Variants in GSE1 observed in about 807,000 individuals in gnomAD.
GSE1 encodes genetic suppressor element 1.
In GSE1, 32 loss-of-function variants were observed where a neutral mutation model predicts 112.6. That is an observed-to-expected ratio of 0.28 (90% CI 0.21 to 0.38). GSE1 has a LOEUF of 0.38. Ranked by LOEUF, GSE1 falls within the 10% of genes least tolerant of loss-of-function variation. GSE1 has a pLI of 1.00. For missense variants in GSE1, 2,348 were observed against 1,699.2 expected, an observed-to-expected ratio of 1.38 and a Z score of -6.71; for synonymous variants, 1,115 against 735.6, an observed-to-expected ratio of 1.52 and a Z score of -8.35.
chr16:85,467,407 A>C (rs2050154787), intron 2 of GSE1, among the ~76,000 whole-genome samples: 1 of 152,120 alleles, frequency 6.6e-6, no homozygotes, highest in Non-Finnish European at 1.5e-5. Context: ...CAAGAACACA[A>C]ATTTTGTTTG....
chr16:85,211,517 C>T (rs1286249718), intron 1 of GSE1, among the ~76,000 whole-genome samples: 1 of 152,218 alleles, frequency 6.6e-6, no homozygotes, highest in Non-Finnish European at 1.5e-5. Flanking sequence ...AGCCTCGCTT[C>T]AGTCATCCAT....
At chr16:85,400,268 TGTGTG>T (rs2151668421) in intron 2 of GSE1, among the ~76,000 whole-genome samples, 1 of 151,338 alleles carries the variant, frequency 6.6e-6, no homozygotes, top group Non-Finnish European at 1.5e-5. Context: ...TGTGTGTGTG[TGTGTG>T]TGTGTGTGTA....
At position 85,217,151 on chromosome 16, in the gene GSE1, C is replaced by T. The variant is rs117870309; in HGVS notation, c.2283+45344C>T. Reference sequence around the variant, plus strand: ...TGGAGCGTGGGGGTGATGAGAGTAGCGACTTCACAGGTGTCTGGGCGGGTG... The same window carrying T: ...TGGAGCGTGGGGGTGATGAGAGTAGTGACTTCACAGGTGTCTGGGCGGGTG... On this transcript the variant is annotated intron_variant, in intron 1 of 2. Transcript: ENST00000637419. Among the ~76,000 whole-genome samples the T allele has an allele frequency of 3.9e-3, 591 of 152,340 alleles. 2 individuals carry two copies. The highest frequency in any genetic ancestry group is 6.7e-3 in the Non-Finnish European group (456 of 68,028).
intron 2 of GSE1, among the ~76,000 whole-genome samples, chr16:85,375,327 C>T (rs1344718054): frequency 1.3e-5 from 2 of 152,264 alleles, no homozygotes; most frequent in African/African-American, 4.8e-5. Context: ...CACCTCACCT[C>T]CCCCAGGTGA....
intron 2 of GSE1, among the ~76,000 whole-genome samples, chr16:85,404,150 C>T (rs111630338): frequency 0.053 from 3,435 of 64,732 alleles, 121 homozygotes; most frequent in African/African-American, 0.07. Context: ...TAATCCACAC[C>T]GTTACACTCA....
chr16:85,195,433 T>G (rs1268927500), intron 1 of GSE1, among the ~76,000 whole-genome samples: 1 of 152,160 alleles, frequency 6.6e-6, no homozygotes, highest in African/African-American at 2.4e-5. Context: ...GGAAGCAGCT[T>G]TGCAGCTTCC....
chr16:85,656,494 C>T lies in GSE1; in HGVS notation c.1141C>T (p.Arg381Cys), dbSNP rs991378017. The T allele has an allele frequency of 9.7e-6, 15 of 1,543,568 alleles. No individual in the cohort carries two copies. The highest frequency in any genetic ancestry group is 1.8e-4 in the Middle Eastern group (1 of 5,664). Reference protein sequence around the residue: ...QEKEREREKERERELERQREQ... With the variant: ...QEKEREREKECERELERQREQ... ...GAAGGAGCGTGAGCGTGAGAAGGAG[C>T]GCGAGCGCGAGCTGGAGCGCCAGCG... Residue 381 changes from arginine (R) to cysteine (C), a missense_variant, in exon 7 of 16, where the codon CGC (arginine) becomes TGC (cysteine). Transcript: ENST00000253458.
At chr16:85,671,168 A>G in intron 15 of GSE1, 70 bp downstream of exon 15, 1 of 898,914 alleles carries the variant, frequency 1.1e-6, no homozygotes, top group East Asian at 2.5e-5. Context: ...ACACCCATGC[A>G]GATAAGTTTC....
At chr16:85,251,600 C>T (rs1055579193) in intron 1 of GSE1, among the ~76,000 whole-genome samples, 11 of 152,232 alleles carry the variant, frequency 7.2e-5, no homozygotes, top group Non-Finnish European at 1.5e-4. Flanking sequence ...GGGCTGGGCC[C>T]GGGGCCTGCC....
intron 1 of GSE1, among the ~76,000 whole-genome samples, chr16:85,346,427 C>CGGGT (rs1193661488): frequency 2.6e-4 from 3 of 11,500 alleles, no homozygotes; most frequent in East Asian, 0.05. Flanking sequence ...GGGTGATGGA[C>CGGGT]AGGTGGATGG....
intron 1 of GSE1, among the ~76,000 whole-genome samples, chr16:85,343,229 G>A (rs1329874816): frequency 6.6e-6 from 1 of 152,194 alleles, no homozygotes; most frequent in Non-Finnish European, 1.5e-5. Flanking sequence ...AGAGGACCGC[G>A]CTGAACGGGA....
chr16:85,481,869 G>T (rs530547555), intron 2 of GSE1, among the ~76,000 whole-genome samples: 5 of 152,218 alleles, frequency 3.3e-5, no homozygotes, highest in African/African-American at 4.8e-5. Flanking sequence ...GTCACACGGC[G>T]CAGAGGTGGC....
intron 1 of GSE1, among the ~76,000 whole-genome samples, chr16:85,253,697 G>C (rs531417356): frequency 7.2e-5 from 11 of 152,374 alleles, no homozygotes; most frequent in African/African-American, 2.4e-4. Flanking sequence ...CCTGGAGGAA[G>C]AGTTAGCCAG....
rs1223684963 is a variant in GSE1, at chr16:85,672,751, A to G, written c.*212A>G. 5.1e-6 allele frequency: 2 copies of G among 394,892 alleles called. No homozygotes were observed. Among genetic ancestry groups the G allele is most frequent in the African/African-American group, 2.0e-5 (1 of 49,334 alleles). 24.5% of individuals were successfully genotyped at this position (394,892 alleles called of 1,614,324 possible). On this transcript the variant is annotated 3_prime_UTR_variant, in exon 16 of 16. Coordinates refer to ENST00000253458, the MANE Select transcript of GSE1 (RefSeq NM_014615.5). Reference sequence around the variant, plus strand: ...CACCGTTGTCATTCAGCGAGCAACCAATGTAGGATTGCCCACAGTTTTTCT... The same window carrying G: ...CACCGTTGTCATTCAGCGAGCAACCGATGTAGGATTGCCCACAGTTTTTCT...
chr16:85,415,064 C>T (rs916549574), intron 2 of GSE1, among the ~76,000 whole-genome samples: 3 of 152,232 alleles, frequency 2.0e-5, no homozygotes, highest in Non-Finnish European at 2.9e-5. Context: ...CTTGCCTCAG[C>T]CTCCTGACTA....
intron 1 of GSE1, among the ~76,000 whole-genome samples, chr16:85,601,212 C>T (rs373946780): frequency 3.4e-4 from 52 of 151,646 alleles, no homozygotes; most frequent in African/African-American, 1.3e-3. Context: ...GTCGTGAGGG[C>T]CAGGAGGGAG....
At chr16:85,337,765 C>G (rs1378619171) in intron 1 of GSE1, among the ~76,000 whole-genome samples, 2 of 152,208 alleles carry the variant, frequency 1.3e-5, no homozygotes, top group Non-Finnish European at 2.9e-5. Flanking sequence ...TCCTGGTTGT[C>G]CAGGTCTCAG....
intron 2 of GSE1, among the ~76,000 whole-genome samples, chr16:85,507,644 G>A (rs1001223306): frequency 2.3e-4 from 35 of 152,316 alleles, no homozygotes; most frequent in African/African-American, 7.5e-4. Flanking sequence ...CCCTCTGGGT[G>A]CAGGTCTGTG....
At chr16:85,471,233 C>A (rs2050285037) in intron 2 of GSE1, among the ~76,000 whole-genome samples, 1 of 152,158 alleles carries the variant, frequency 6.6e-6, no homozygotes, top group African/African-American at 2.4e-5. Flanking sequence ...GGGGGCAGGT[C>A]CCCAGCTCCA....
Sources: gnomAD v4.1 joint callset for allele counts (sites outside exome capture counted in the v4.1 genomes callset) on GRCh38, gnomAD v4.1.1 for gene constraint, MANE v1.5 for transcripts, NCBI Gene and HGNC (gene_info 2026-07-23, HGNC 2026-07-21) for gene names.